Variants in WWOX observed in about 807,000 individuals in gnomAD.
WWOX encodes WW domain containing oxidoreductase.
In WWOX, 69 loss-of-function variants were observed where a neutral mutation model predicts 46.2. The observed-to-expected ratio is 1.49, with a 90% confidence interval of 1.23 to 1.82. WWOX has a LOEUF of 1.82. Ranked by LOEUF, WWOX falls within the 40% of genes most tolerant of loss-of-function variation. The probability of loss-of-function intolerance (pLI) is 0.00; values close to 1 mark genes in which losing one functional copy is unlikely to be tolerated. For missense variants in WWOX, 919 were observed against 542.6 expected (o/e 1.69, Z -6.89); for synonymous variants, 359 against 202.6 (o/e 1.77, Z -6.56).
rs79315809 is a variant in WWOX, at chr16:79,075,366, C to T, written c.1057-136242C>T. Reference sequence around the variant, plus strand: ...AAAAAAATCACTTATGCTTCCACCACCTTAACCTAGAAACCTTTAGGACTT... The same window carrying T: ...AAAAAAATCACTTATGCTTCCACCATCTTAACCTAGAAACCTTTAGGACTT... On this transcript the variant is annotated intron_variant, in intron 8 of 8. Coordinates refer to ENST00000566780, the MANE Select transcript of WWOX (RefSeq NM_016373.4). Among the ~76,000 whole-genome samples, 173 of 152,324 alleles carry T rather than the reference C, an allele frequency of 1.1e-3. 2 individuals carry two copies. Among genetic ancestry groups the T allele is most frequent in the African/African-American group, 4.0e-3 (168 of 41,574 alleles).
chr16:78,369,881 C>G (rs556867623), intron 5 of WWOX, among the ~76,000 whole-genome samples: 65 of 152,088 alleles, frequency 4.3e-4, no homozygotes, highest in African/African-American at 1.5e-3. Context: ...GCCTGTAATC[C>G]CAGCACTTTG....
intron 5 of WWOX, among the ~76,000 whole-genome samples, chr16:78,171,464 A>G (rs888895623): frequency 2.0e-5 from 3 of 151,886 alleles, no homozygotes; most frequent in Non-Finnish European, 4.4e-5. Flanking sequence ...CTTTTATGAT[A>G]TATGTGTTGG....
intron 8 of WWOX, among the ~76,000 whole-genome samples, chr16:79,082,165 A>G (rs139329108): frequency 2.0e-5 from 3 of 152,324 alleles, no homozygotes; most frequent in East Asian, 3.9e-4. Flanking sequence ...AGAGGTTGTA[A>G]CAAATCTGAT....
intron 8 of WWOX, among the ~76,000 whole-genome samples, chr16:78,681,961 A>G (rs1218158859): frequency 6.6e-6 from 1 of 152,128 alleles, no homozygotes; most frequent in East Asian, 1.9e-4. Context: ...AAGCGCCCAG[A>G]TGTCACTGAT....
intron 4 of WWOX, chr16:78,124,267 G>C (rs947742801): frequency 7.2e-5 from 11 of 151,982 alleles, no homozygotes; most frequent in Admixed American, 2.0e-4. Flanking sequence ...TTTCACCAGA[G>C]TAAAGATATT....
chr16:78,869,053 A>G (rs73579367), intron 8 of WWOX, among the ~76,000 whole-genome samples: 195 of 152,324 alleles, frequency 1.3e-3, no homozygotes, highest in African/African-American at 2.5e-3. Flanking sequence ...CTGTAGTCCT[A>G]TCATTCAGAG....
At chr16:78,209,267 G>A (rs971133174) in intron 5 of WWOX, among the ~76,000 whole-genome samples, 2 of 152,108 alleles carry the variant, frequency 1.3e-5, no homozygotes, top group Non-Finnish European at 2.9e-5. Flanking sequence ...TCTGCAGCCC[G>A]AAAAGACCAA....
chr16:78,177,857 G>T (rs1262017947), intron 5 of WWOX, among the ~76,000 whole-genome samples: 1 of 152,336 alleles, frequency 6.6e-6, no homozygotes, highest in Non-Finnish European at 1.5e-5. Flanking sequence ...AGAAAAGGAC[G>T]AGACGGGGAC....
chr16:78,683,105 C>G, intron 8 of WWOX, among the ~76,000 whole-genome samples: 1 of 152,104 alleles, frequency 6.6e-6, no homozygotes, highest in East Asian at 1.9e-4. Context: ...TTTGTTCTAT[C>G]CCAGAAATAT....
intron 8 of WWOX, among the ~76,000 whole-genome samples, chr16:78,924,183 G>A (rs1000285750): frequency 2.6e-5 from 4 of 152,152 alleles, no homozygotes; most frequent in African/African-American, 9.7e-5. Flanking sequence ...GGGTAGACCG[G>A]GGAAGGTAGC....
At chr16:78,924,052 G>T (rs891677418) in intron 8 of WWOX, among the ~76,000 whole-genome samples, 1 of 151,860 alleles carries the variant, frequency 6.6e-6, no homozygotes, top group South Asian at 2.1e-4. Context: ...TCCTGATTTC[G>T]TGATTCCACC....
chr16:79,171,977 A>C (rs1040862419), intron 8 of WWOX, among the ~76,000 whole-genome samples: 2 of 152,222 alleles, frequency 1.3e-5, no homozygotes, highest in Non-Finnish European at 2.9e-5. Context: ...TGCAGTTGGC[A>C]GTTTGCCATG....
At chr16:78,741,319 G>A (rs954320249) in intron 8 of WWOX, among the ~76,000 whole-genome samples, 1 of 152,214 alleles carries the variant, frequency 6.6e-6, no homozygotes, top group African/African-American at 2.4e-5. Flanking sequence ...CCAGCATTTT[G>A]GGAGGCCAAG....
chr16:78,481,724 AGTGTGTGTGT>A (rs67780639), intron 8 of WWOX, among the ~76,000 whole-genome samples: 3,896 of 137,030 alleles, frequency 0.028, 172 homozygotes, highest in African/African-American at 0.099. Context: ...GGGCAAGGGA[AGTGTGTGTGT>A]GTGTGTGTGT....
chr16:79,154,148 G>T (rs961442877), intron 8 of WWOX, among the ~76,000 whole-genome samples: 1 of 152,150 alleles, frequency 6.6e-6, no homozygotes, highest in African/African-American at 2.4e-5. Context: ...GCCCTAAATG[G>T]TATGAAAAAT....
At chr16:78,185,622 G>C (rs2035674810) in intron 5 of WWOX, among the ~76,000 whole-genome samples, 2 of 151,940 alleles carry the variant, frequency 1.3e-5, no homozygotes, top group South Asian at 4.1e-4. Context: ...TTCATTCAAA[G>C]AAAATAAAAA....
At chr16:79,017,427 C>A (rs1324536256) in intron 8 of WWOX, 5 of 19,232 alleles carry the variant, frequency 2.6e-4, no homozygotes, top group Non-Finnish European at 4.4e-4. Context: ...GAGAATCCAT[C>A]TCAAAAAAAA....
chr16:78,541,151 A>C (rs1236138207), intron 8 of WWOX, among the ~76,000 whole-genome samples: 1 of 152,156 alleles, frequency 6.6e-6, no homozygotes, highest in African/African-American at 2.4e-5. Context: ...AAAATTGCAC[A>C]TACTCTATAA....
rs2245006 is a variant in WWOX, at chr16:78,499,229, G to A, written c.1056+66477G>A. Among the ~76,000 whole-genome samples the A allele has an allele frequency of 5.6e-3, 850 of 151,890 alleles. 12 individuals are homozygous for A. Among genetic ancestry groups the A allele is most frequent in the African/African-American group, 0.02 (819 of 41,424 alleles). On this transcript the variant is annotated intron_variant, in intron 8 of 8. Coordinates refer to ENST00000566780, the MANE Select transcript of WWOX (RefSeq NM_016373.4). ...AGCTCAGTGAGATGGCTTTGCTTTGGGGGGGTGAGGGGGCGGAGGTGGTGG... is the reference window on the plus strand; with the variant it reads ...AGCTCAGTGAGATGGCTTTGCTTTGAGGGGGTGAGGGGGCGGAGGTGGTGG...
Sources: allele counts gnomAD v4.1 joint callset (sites outside exome capture counted in the v4.1 genomes callset), GRCh38; gene constraint gnomAD v4.1.1; transcripts MANE v1.5; gene names NCBI Gene and HGNC (gene_info 2026-07-23, HGNC 2026-07-21).